GLRA2: variants seen among roughly 807,000 people sequenced by gnomAD.
GLRA2 encodes the protein glycine receptor subunit alpha-2.
Under a neutral mutation model 31.6 loss-of-function variants are expected in GLRA2, and 11 were observed. The ratio of observed to expected loss-of-function variants is 0.35; its 90% CI spans 0.22 to 0.58. GLRA2 has a LOEUF of 0.58. Among genes scored for constraint, GLRA2 ranks in the 20% least tolerant of loss-of-function variants. The pLI is 0.84. For synonymous variants in GLRA2, 132 were observed against 134.0 expected, an observed-to-expected ratio of 0.99 and a Z score of 0.10; for missense variants, 212 against 351.8, an observed-to-expected ratio of 0.60 and a Z score of 3.18.
At chrX:14,729,696 G>A (rs1420761033) in intron 8 of GLRA2, among the ~76,000 whole-genome samples, 1 of 111,338 alleles carries the variant, frequency 9.0e-6, no homozygotes, top group Non-Finnish European at 1.9e-5. Flanking sequence ...CACCTTAGAT[G>A]TAACATCAAC....
chrX:14,606,337 T>A (rs1447724117), intron 5 of GLRA2, among the ~76,000 whole-genome samples: 1 of 110,263 alleles, frequency 9.1e-6, no homozygotes, highest in African/African-American at 3.3e-5. Context: ...CCAGAAAAAA[T>A]TGACAGATGA....
chrX:14,697,293 T>C (rs1353581358), intron 8 of GLRA2, among the ~76,000 whole-genome samples: 1 of 112,007 alleles, frequency 8.9e-6, no homozygotes, highest in African/African-American at 3.2e-5. Flanking sequence ...GAATTTGTCC[T>C]GGATTACTCA....
intron 2 of GLRA2, among the ~76,000 whole-genome samples, chrX:14,566,178 T>C (rs762372885): frequency 4.5e-5 from 5 of 111,676 alleles, no homozygotes; most frequent in Non-Finnish European, 7.5e-5. Context: ...AGATTACGAA[T>C]AATTTAGATA....
intron 7 of GLRA2, among the ~76,000 whole-genome samples, chrX:14,626,019 TTA>T (rs2090585044): frequency 8.9e-6 from 1 of 112,200 alleles, no homozygotes; most frequent in African/African-American, 3.2e-5. Flanking sequence ...TGTTTAATCA[TTA>T]TGCCATACCA....
At position 14,532,236 on chromosome X, in the gene GLRA2, T is replaced by G; in HGVS notation, c.69-3T>G. Reference sequence around the variant, plus strand: ...TTGCTAAAAGAGTTAATGATGTGTTTAGGACGGCTTTCTGCAAAGACCATG... The same window carrying G: ...TTGCTAAAAGAGTTAATGATGTGTTGAGGACGGCTTTCTGCAAAGACCATG... On this transcript the variant is annotated splice_region_variant and splice_polypyrimidine_tract_variant and intron_variant, in intron 1 of 8. Coordinates refer to ENST00000218075, the MANE Select transcript of GLRA2 (RefSeq NM_002063.4). 1.7e-6 allele frequency: 2 copies of G among 1,167,765 alleles called. No individual in the cohort carries two copies. The highest frequency in any genetic ancestry group is 2.3e-6 in the Non-Finnish European group (2 of 869,504).
chrX:14,507,002 CTTTA>C, the GLRA2 span, among the ~76,000 whole-genome samples: 4 of 111,662 alleles, frequency 3.6e-5, no homozygotes, highest in Non-Finnish European at 5.6e-5. Context: ...AAGGAAAAAT[CTTTA>C]TTTGAGTAAT....
At chrX:14,721,401 A>G (rs1475691302) in intron 8 of GLRA2, among the ~76,000 whole-genome samples, 1 of 111,657 alleles carries the variant, frequency 9.0e-6, no homozygotes, top group African/African-American at 3.3e-5. Context: ...TTCCACAACA[A>G]AACACTACAT....
At chrX:14,494,969 G>A in the GLRA2 span, among the ~76,000 whole-genome samples, 1 of 111,900 alleles carries the variant, frequency 8.9e-6, no homozygotes, top group African/African-American at 3.2e-5. Flanking sequence ...CATCCTCCAA[G>A]TTAAGTACAG....
chrX:14,679,368 A>C (rs375289882), intron 7 of GLRA2, among the ~76,000 whole-genome samples: 6 of 110,430 alleles, frequency 5.4e-5, no homozygotes, highest in African/African-American at 2.0e-4. Context: ...AAGGAGGATA[A>C]TGTCTACTTT....
intron 7 of GLRA2, among the ~76,000 whole-genome samples, chrX:14,617,451 G>A (rs2090466168): frequency 9.0e-6 from 1 of 111,667 alleles, no homozygotes; most frequent in Non-Finnish European, 1.9e-5. Context: ...CCCTCCCTGT[G>A]TCTACACCCT....
At chrX:14,482,211 A>C in the GLRA2 span, among the ~76,000 whole-genome samples, 1 of 111,920 alleles carries the variant, frequency 8.9e-6, no homozygotes, top group African/African-American at 3.2e-5. Context: ...AATTTTGGTA[A>C]GAATGCCAAA....
At chrX:14,635,671 C>T (rs1363255789) in intron 7 of GLRA2, among the ~76,000 whole-genome samples, 2 of 111,874 alleles carry the variant, frequency 1.8e-5, no homozygotes, top group African/African-American at 6.5e-5. Context: ...ACAATGTAGA[C>T]TTCAAAATAT....
the GLRA2 span, among the ~76,000 whole-genome samples, chrX:14,478,012 G>A: frequency 9.1e-6 from 1 of 109,426 alleles, no homozygotes; most frequent in African/African-American, 3.4e-5. Flanking sequence ...AGCTTAAAAA[G>A]AGAAAATATA....
chrX:14,581,263 G>C lies in GLRA2; in HGVS notation c.351G>C (p.Leu117=), dbSNP rs2090013142. The change falls in exon 4 of 9, where the codon CTG becomes CTC. Residue 117 remains leucine (L), a synonymous_variant. Transcript: ENST00000218075. ...ACAGTGAGTACCCAGATGACTCCCT[G>C]GACTTGGACCCATCCATGCTAGACT... ...LAYSEYPDDS[L]DLDPSMLDSI... 4.2e-6 allele frequency: 5 copies of C among 1,188,237 alleles called. No individual in the cohort carries two copies. The South Asian group carries it at 5.3e-5, about 13-fold the overall frequency.
intron 7 of GLRA2, among the ~76,000 whole-genome samples, chrX:14,650,392 T>G (rs2090876402): frequency 1.8e-5 from 2 of 110,926 alleles, no homozygotes; most frequent in African/African-American, 6.6e-5. Flanking sequence ...AATCCCTGTT[T>G]CCTTGTTCTC....
At chrX:14,541,664 G>A (rs2089406007) in intron 2 of GLRA2, among the ~76,000 whole-genome samples, 1 of 111,217 alleles carries the variant, frequency 9.0e-6, no homozygotes, top group Admixed American at 9.6e-5. Context: ...CAGAAAACAA[G>A]GGATCCGTTT....
intron 7 of GLRA2, among the ~76,000 whole-genome samples, chrX:14,654,815 C>T (rs756786705): frequency 1.8e-5 from 2 of 111,901 alleles, no homozygotes; most frequent in South Asian, 7.6e-4. Context: ...CACAGTTCCA[C>T]ATGGCTGGGG....
At chrX:14,541,127 T>C in intron 2 of GLRA2, among the ~76,000 whole-genome samples, 1 of 112,101 alleles carries the variant, frequency 8.9e-6, no homozygotes, top group Non-Finnish European at 1.9e-5. Flanking sequence ...CTCCCCATGC[T>C]GGGATGTGTT....
At chrX:14,457,075 C>G in the GLRA2 span, among the ~76,000 whole-genome samples, 1 of 112,006 alleles carries the variant, frequency 8.9e-6, no homozygotes, top group Non-Finnish European at 1.9e-5. Flanking sequence ...GATGATACTT[C>G]ACAGTAGTTT....
Sources: allele counts gnomAD v4.1 joint callset (sites outside exome capture counted in the v4.1 genomes callset), GRCh38; gene constraint gnomAD v4.1.1; transcripts MANE v1.5; gene names NCBI Gene and HGNC (gene_info 2026-07-23, HGNC 2026-07-21).